The following MICU2 variants were observed in gnomAD, a reference collection of about 807,000 sequenced individuals.
The protein encoded by MICU2 is calcium uptake protein 2, mitochondrial.
Under a neutral mutation model 60.4 loss-of-function variants are expected in MICU2, and 64 were observed. The ratio of observed to expected loss-of-function variants is 1.06; its 90% CI spans 0.87 to 1.31. The LOEUF (loss-of-function observed/expected upper bound fraction) is 1.31. MICU2 is among the 50% of genes most tolerant of loss of function. The probability of loss-of-function intolerance (pLI) is 0.00; values close to 1 mark genes in which losing one functional copy is unlikely to be tolerated. For missense variants in MICU2, 569 were observed against 531.0 expected (o/e 1.07, Z -0.70); for synonymous variants, 201 against 175.0 (o/e 1.15, Z -1.17).
At chr13:21,553,454 A>C (rs1259667973) in intron 2 of MICU2, among the ~76,000 whole-genome samples, 1 of 152,124 alleles carries the variant, frequency 6.6e-6, no homozygotes, top group Non-Finnish European at 1.5e-5. Flanking sequence ...CCTGGCCAGA[A>C]CTTGCAACAC....
intron 8 of MICU2, among the ~76,000 whole-genome samples, chr13:21,508,803 A>G (rs1198304919): frequency 6.6e-6 from 1 of 152,178 alleles, no homozygotes; most frequent in South Asian, 2.1e-4. Flanking sequence ...CTAGTTTGTC[A>G]AGATTCAACT....
chr13:21,594,966 T>A (rs942441934), intron 1 of MICU2, among the ~76,000 whole-genome samples: 1 of 152,108 alleles, frequency 6.6e-6, no homozygotes, highest in Non-Finnish European at 1.5e-5. Context: ...TGTAACAAAC[T>A]TGCATGTTCT....
chr13:21,495,538 T>G, intron 10 of MICU2: 1 of 457,448 alleles, frequency 2.2e-6, no homozygotes, highest in South Asian at 4.3e-5. Flanking sequence ...ATTTAATCAA[T>G]GCTCTAAACA....
chr13:21,580,811 C>T (rs919966296), intron 1 of MICU2, among the ~76,000 whole-genome samples: 1 of 152,142 alleles, frequency 6.6e-6, no homozygotes, highest in Admixed American at 6.5e-5. Flanking sequence ...AATACCCCAA[C>T]TCACTTACAG....
intron 9 of MICU2, among the ~76,000 whole-genome samples, chr13:21,497,951 C>T (rs754316936): frequency 4.6e-5 from 7 of 152,112 alleles, no homozygotes; most frequent in Non-Finnish European, 7.4e-5. Context: ...GACGAGATCT[C>T]GCTATGTTTC....
chr13:21,546,920 A>G (rs2138012063), intron 2 of MICU2, among the ~76,000 whole-genome samples: 1 of 152,328 alleles, frequency 6.6e-6, no homozygotes, highest in African/African-American at 2.4e-5. Flanking sequence ...ATAGGTCATC[A>G]TCCTGTACAT....
In MICU2 at chr13:21,513,019, G is replaced by A. The variant is rs1332570930; in HGVS notation, c.663+1334C>T. The stretch of plus-strand genomic sequence containing the variant: ...GAATGGTATTATATTTAAAATTTTT[G>A]TGTCCCTGGTGTTCACTGATATATA... On this transcript the variant is annotated intron_variant, in intron 7 of 11. Coordinates refer to ENST00000382374, the MANE Select transcript of MICU2 (RefSeq NM_152726.3). 2.0e-5 allele frequency among the ~76,000 whole-genome samples: 3 copies of A among 152,128 alleles called. No homozygotes were observed. In the East Asian group the frequency reaches 5.8e-4, roughly 29 times the overall value.
chr13:21,558,503 A>G (rs889752964), intron 2 of MICU2, among the ~76,000 whole-genome samples: 1 of 152,188 alleles, frequency 6.6e-6, no homozygotes, highest in African/African-American at 2.4e-5. Flanking sequence ...CTTTCACCAC[A>G]ACCTCCACGT....
At position 21,566,201 on chromosome 13, in the gene MICU2, ATAGAG is replaced by A. The variant is rs1887977229; in HGVS notation, c.358+591_358+595del. 2.0e-5 allele frequency among the ~76,000 whole-genome samples: 3 copies of A among 152,288 alleles called. No individual in the cohort carries two copies. In the South Asian group the frequency reaches 6.2e-4, roughly 32 times the overall value. Reference sequence around the variant, plus strand: ...CACCCATTTCAGCTGCTGCATATTTATAGAGAGTATTCCAGTACACTTAGGAAGGC... The same window carrying A: ...CACCCATTTCAGCTGCTGCATATTTAAGTATTCCAGTACACTTAGGAAGGC... On this transcript the variant is annotated intron_variant, in intron 2 of 11. Transcript: ENST00000382374.
intron 1 of MICU2, among the ~76,000 whole-genome samples, chr13:21,601,511 C>T (rs1338874006): frequency 1.3e-5 from 2 of 152,112 alleles, no homozygotes; most frequent in Non-Finnish European, 2.9e-5. Flanking sequence ...TAAGATTAAA[C>T]TTACAAAGCT....
intron 1 of MICU2, among the ~76,000 whole-genome samples, chr13:21,573,854 C>CT (rs1435701853): frequency 6.6e-6 from 1 of 152,172 alleles, no homozygotes; most frequent in Non-Finnish European, 1.5e-5. Flanking sequence ...GGTAACAGCA[C>CT]TGCTACTATT....
At position 21,591,408 on chromosome 13, in the gene MICU2, C is replaced by T. The variant is rs746182178; in HGVS notation, c.210+12531G>A. The stretch of plus-strand genomic sequence containing the variant: ...GACCTACAAAGAGAAGAGACTTGGA[C>T]TCCCACACAATATTAGTGGGGGACT... On this transcript the variant is annotated intron_variant, in intron 1 of 11. Transcript: ENST00000382374. 2.2e-4 allele frequency among the ~76,000 whole-genome samples: 34 copies of T among 152,172 alleles called. 1 individual carries two copies. The highest frequency in any genetic ancestry group is 2.1e-4 in the Non-Finnish European group (14 of 68,032).
chr13:21,548,931 T>C (rs990994132), intron 2 of MICU2, among the ~76,000 whole-genome samples: 2 of 146,890 alleles, frequency 1.4e-5, no homozygotes, highest in Non-Finnish European at 3.0e-5. Flanking sequence ...GTTTTTTTTT[T>C]TTTTTTTTTT....
intron 2 of MICU2, among the ~76,000 whole-genome samples, chr13:21,550,571 T>C (rs1302392956): frequency 2.0e-5 from 3 of 152,114 alleles, no homozygotes; most frequent in African/African-American, 7.2e-5. Context: ...ACAAAAACTT[T>C]TGCAGGGGTC....
intron 1 of MICU2, among the ~76,000 whole-genome samples, chr13:21,567,828 A>G (rs1236538565): frequency 6.6e-6 from 1 of 152,240 alleles, no homozygotes; most frequent in East Asian, 1.9e-4. Context: ...ACTGAAAAGT[A>G]AACGGCAGAG....
At chr13:21,529,044 A>C (rs1886924214) in intron 4 of MICU2, among the ~76,000 whole-genome samples, 1 of 152,226 alleles carries the variant, frequency 6.6e-6, no homozygotes, top group Non-Finnish European at 1.5e-5. Context: ...CACAGGACAC[A>C]AAGGGCTTAT....
rs972461319 is a variant in MICU2 at position 21,556,044 on chromosome 13, T to C, written c.358+10753A>G. Among the ~76,000 whole-genome samples, 6 of 152,312 alleles carry C rather than the reference T, an allele frequency of 3.9e-5. No homozygotes were observed. The South Asian group carries it at 8.3e-4, about 21-fold the overall frequency. ...ATTAAAAGATCCTCTTGATCGCATTTCCACCTCCATCTACTGCTTCATCTC... is the reference window on the plus strand; with the variant it reads ...ATTAAAAGATCCTCTTGATCGCATTCCCACCTCCATCTACTGCTTCATCTC... On this transcript the variant is annotated intron_variant, in intron 2 of 11. Transcript: ENST00000382374.
At chr13:21,527,466 G>A (rs1396782248) in intron 4 of MICU2, among the ~76,000 whole-genome samples, 2 of 152,128 alleles carry the variant, frequency 1.3e-5, no homozygotes, top group African/African-American at 4.8e-5. Context: ...TAAATAAAAA[G>A]CTTGAATAAT....
intron 6 of MICU2, among the ~76,000 whole-genome samples, chr13:21,515,888 G>A (rs1886558830): frequency 1.3e-5 from 2 of 152,024 alleles, no homozygotes. Flanking sequence ...TATTTTTAAA[G>A]TTGACAATCA....
Sources: gnomAD v4.1 joint callset for allele counts (sites outside exome capture counted in the v4.1 genomes callset) on GRCh38, gnomAD v4.1.1 for gene constraint, MANE v1.5 for transcripts, NCBI Gene and HGNC (gene_info 2026-07-23, HGNC 2026-07-21) for gene names.